Variants in NXN observed in about 807,000 individuals in gnomAD.
The protein encoded by NXN is nucleoredoxin.
NXN carries 16 observed loss-of-function variants against 48.6 expected under a neutral mutation model. The ratio of observed to expected loss-of-function variants is 0.33; its 90% CI spans 0.22 to 0.50. The LOEUF (loss-of-function observed/expected upper bound fraction) is 0.50, where lower values mean the gene tolerates loss of function less well. Ranked by LOEUF, NXN falls within the 20% of genes least tolerant of loss-of-function variation. NXN has a pLI of 0.98. For missense variants in NXN, 492 were observed against 605.5 expected (o/e 0.81, Z 1.97); for synonymous variants, 281 against 269.6 (o/e 1.04, Z -0.41).
At chr17:929,433 T>C (rs1487620745) in intron 1 of NXN, among the ~76,000 whole-genome samples, 1 of 152,224 alleles carries the variant, frequency 6.6e-6, no homozygotes, top group Non-Finnish European at 1.5e-5. Context: ...TGTAGCAAGA[T>C]CCAACATCTG....
intron 1 of NXN, among the ~76,000 whole-genome samples, chr17:914,837 G>A (rs9898297): frequency 2.6e-5 from 4 of 152,272 alleles, no homozygotes; most frequent in Middle Eastern, 3.4e-3. Flanking sequence ...GCTGATGAGT[G>A]CGTGGAACCA....
rs751502206 is a variant in NXN, at chr17:819,429, G to C, written c.820+10C>G. On this transcript the variant is annotated intron_variant, in intron 5 of 7. Coordinates refer to ENST00000336868, the MANE Select transcript of NXN (RefSeq NM_022463.5). ...AGGAGCCACACGGAGCCGGGGCCTG[G>C]AGCGCCTACCTTGGATTCCGTACAG... is the stretch of plus-strand genomic sequence containing the variant. 1.9e-6 allele frequency: 3 copies of C among 1,611,092 alleles called. No homozygotes were observed. In the East Asian group the frequency reaches 6.7e-5, roughly 36 times the overall value.
intron 1 of NXN, among the ~76,000 whole-genome samples, chr17:971,036 T>A (rs1014603546): frequency 6.9e-6 from 1 of 145,434 alleles, no homozygotes; most frequent in African/African-American, 2.6e-5. Context: ...AACCTCCGCC[T>A]CCAGGGTTCA....
At chr17:946,175 G>A (rs1334999681) in intron 1 of NXN, among the ~76,000 whole-genome samples, 6 of 148,656 alleles carry the variant, frequency 4.0e-5, no homozygotes, top group Non-Finnish European at 6.0e-5. Context: ...TCGCTCTGTT[G>A]CCCAGGCTGG....
intron 6 of NXN, 48 bp downstream of exon 6, chr17:805,020 T>TGCCCCCCC: frequency 4.6e-6 from 7 of 1,512,874 alleles, no homozygotes; most frequent in Non-Finnish European, 9.0e-7. Context: ...GCCCCTCCTG[T>TGCCCCCCC]CCCGCCCCCC....
intron 1 of NXN, among the ~76,000 whole-genome samples, chr17:892,264 C>A (rs1429138435): frequency 6.6e-6 from 1 of 151,704 alleles, no homozygotes; most frequent in African/African-American, 2.4e-5. Context: ...CACAACCCAA[C>A]AGGGAACTAA....
At chr17:937,540 C>A (rs1368455936) in intron 1 of NXN, among the ~76,000 whole-genome samples, 1 of 152,190 alleles carries the variant, frequency 6.6e-6, no homozygotes, top group African/African-American at 2.4e-5. Context: ...TCGAGAGGAA[C>A]GCACACTTCT....
At chr17:939,379 CT>C (rs2068944306) in intron 1 of NXN, among the ~76,000 whole-genome samples, 1 of 139,654 alleles carries the variant, frequency 7.2e-6, no homozygotes. Context: ...GAGTTTCACT[CT>C]TGTCACCCAG....
At chr17:946,753 T>TAAG (rs2069048760) in intron 1 of NXN, among the ~76,000 whole-genome samples, 1 of 152,088 alleles carries the variant, frequency 6.6e-6, no homozygotes. Flanking sequence ...GGCCAGCACA[T>TAAG]CTCCGCATCG....
At position 809,815 on chromosome 17, in the gene NXN, G is replaced by A. The variant is rs564414486; in HGVS notation, c.821-4568C>T. On this transcript the variant is annotated intron_variant, in intron 5 of 7. Coordinates refer to ENST00000336868, the MANE Select transcript of NXN (RefSeq NM_022463.5). ...AGTGCCGTGTGCATGTGACGAGTCC[G>A]TGTGAGCGGCGGGCACCTTACGAGC... Among the ~76,000 whole-genome samples, 144 of 152,194 alleles carry A rather than the reference G, an allele frequency of 9.5e-4. 2 individuals carry two copies. The highest frequency in any genetic ancestry group is 3.2e-3 in the African/African-American group (135 of 41,566).
chr17:928,181 T>C (rs2068820154), intron 1 of NXN, among the ~76,000 whole-genome samples: 1 of 151,926 alleles, frequency 6.6e-6, no homozygotes, highest in Non-Finnish European at 1.5e-5. Context: ...GTCTGCAAAG[T>C]GGGGGTCTCA....
chr17:839,560 C>T (rs1474728693), intron 1 of NXN, among the ~76,000 whole-genome samples: 2 of 151,920 alleles, frequency 1.3e-5, no homozygotes, highest in Non-Finnish European at 2.9e-5. Flanking sequence ...CCTGTAACTT[C>T]AGCACTTTGG....
chr17:925,260 A>G (rs2068787707), intron 1 of NXN, among the ~76,000 whole-genome samples: 1 of 152,130 alleles, frequency 6.6e-6, no homozygotes, highest in South Asian at 2.1e-4. Context: ...AGCTGGTCAC[A>G]CTGCACCTGC....
At chr17:969,517 A>G (rs1213524502) in intron 1 of NXN, among the ~76,000 whole-genome samples, 1 of 152,226 alleles carries the variant, frequency 6.6e-6, no homozygotes, top group African/African-American at 2.4e-5. Flanking sequence ...TCACAGCTAC[A>G]TTCACGCCTA....
intron 1 of NXN, among the ~76,000 whole-genome samples, chr17:892,831 C>A (rs1318904004): frequency 1.3e-5 from 2 of 152,206 alleles, no homozygotes; most frequent in African/African-American, 2.4e-5. Context: ...TTCGTCAGAA[C>A]CAACAGTGTC....
chr17:822,241 T>C (rs758409642), intron 4 of NXN, 116 bp downstream of exon 4: 2 of 692,410 alleles, frequency 2.9e-6, no homozygotes, highest in Non-Finnish European at 5.0e-6. Flanking sequence ...ATCACACCAC[T>C]GCACTCCAGC....
chr17:855,814 G>C (rs1211439626), intron 1 of NXN, among the ~76,000 whole-genome samples: 1 of 152,170 alleles, frequency 6.6e-6, no homozygotes, highest in Non-Finnish European at 1.5e-5. Context: ...CAGTGTGCCA[G>C]GGAACTCAAT....
chr17:940,111 AT>A lies in NXN; in HGVS notation c.360+39207del, dbSNP rs958968106. On this transcript the variant is annotated intron_variant, in intron 1 of 7. Coordinates refer to ENST00000336868, the MANE Select transcript of NXN (RefSeq NM_022463.5). Reference sequence around the variant, plus strand: ...ACCACGCCAGCTAACTAATTTTTGTATTTTTTTGGTAGAGATCGAGGTGGGG... The same window carrying A: ...ACCACGCCAGCTAACTAATTTTTGTATTTTTTGGTAGAGATCGAGGTGGGG... Among the ~76,000 whole-genome samples the A allele has an allele frequency of 3.4e-5, 5 of 149,020 alleles. No individual in the cohort carries two copies. In the South Asian group the frequency reaches 6.5e-4, roughly 19 times the overall value.
chr17:815,589 G>T (rs12941987), intron 5 of NXN, among the ~76,000 whole-genome samples: 1 of 147,654 alleles, frequency 6.8e-6, no homozygotes, highest in Admixed American at 6.8e-5. Context: ...CCATCCGTAT[G>T]ATGAGGGCGA....
Sources: allele counts gnomAD v4.1 joint callset (sites outside exome capture counted in the v4.1 genomes callset), GRCh38; gene constraint gnomAD v4.1.1; transcripts MANE v1.5; gene names NCBI Gene and HGNC (gene_info 2026-07-23, HGNC 2026-07-21).